The following FSTL5 variants were observed in gnomAD, a reference collection of about 807,000 sequenced individuals.
FSTL5 encodes the protein follistatin like 5.
A neutral mutation model predicts 89.1 loss-of-function variants in FSTL5; 62 were observed. The ratio of observed to expected loss-of-function variants is 0.70; its 90% CI spans 0.57 to 0.86. The LOEUF (loss-of-function observed/expected upper bound fraction) is 0.86, where lower values mean the gene tolerates loss of function less well. Ranked by LOEUF, FSTL5 falls within the 40% of genes least tolerant of loss-of-function variation. The pLI, the probability that FSTL5 is intolerant of heterozygous loss-of-function variation, is 0.00. For missense variants in FSTL5, 1,057 were observed against 1,001.6 expected, an observed-to-expected ratio of 1.06 and a Z score of -0.75; for synonymous variants, 383 against 346.2, an observed-to-expected ratio of 1.11 and a Z score of -1.18.
chr4:161,887,396 T>C (rs1201418669), intron 4 of FSTL5, among the ~76,000 whole-genome samples: 1 of 37,218 alleles, frequency 2.7e-5, no homozygotes, highest in Non-Finnish European at 9.2e-5. Flanking sequence ...ATCTATCATC[T>C]ATCTATCTAT....
chr4:161,394,425 G>C (rs2110885395), intron 15 of FSTL5, among the ~76,000 whole-genome samples: 1 of 152,178 alleles, frequency 6.6e-6, no homozygotes, highest in East Asian at 1.9e-4. Context: ...ACAGAGGCGT[G>C]CCACCGTGCC....
chr4:161,606,633 A>C (rs1276018288), intron 7 of FSTL5, among the ~76,000 whole-genome samples: 1 of 152,134 alleles, frequency 6.6e-6, no homozygotes, highest in Non-Finnish European at 1.5e-5. Flanking sequence ...TTAAAAGTTA[A>C]TTTTGTATTA....
At chr4:161,409,659 C>T (rs1046488356) in intron 15 of FSTL5, among the ~76,000 whole-genome samples, 2 of 152,118 alleles carry the variant, frequency 1.3e-5, no homozygotes, top group Admixed American at 6.5e-5. Flanking sequence ...CGATTACAGG[C>T]GTGAGCCACC....
rs536031080 is a variant in FSTL5 at position 161,892,707 on chromosome 4, C to A, written c.409+27697G>T. On this transcript the variant is annotated intron_variant, in intron 4 of 15. Transcript: ENST00000306100. ...ATTAACTTTTCCAAATGTAAAATAT[C>A]ATTAATTTTATATACAGGAAATTAA... is the stretch of plus-strand genomic sequence containing the variant. Among the ~76,000 whole-genome samples the A allele has an allele frequency of 2.9e-4, 44 of 152,018 alleles. No homozygotes were observed. The South Asian group carries it at 8.7e-3, about 30-fold the overall frequency.
intron 6 of FSTL5, among the ~76,000 whole-genome samples, chr4:161,747,543 T>C (rs1169692752): frequency 1.3e-5 from 2 of 152,218 alleles, no homozygotes; most frequent in African/African-American, 2.4e-5. Context: ...CAAATGTGCA[T>C]ATCCTCTCAA....
intron 2 of FSTL5, among the ~76,000 whole-genome samples, chr4:162,079,013 T>A (rs1178567657): frequency 6.6e-6 from 1 of 151,750 alleles, no homozygotes; most frequent in Non-Finnish European, 1.5e-5. Flanking sequence ...GTCTAACACA[T>A]AATGGTTAGT....
chr4:161,523,803 C>A (rs1731114318), intron 10 of FSTL5, among the ~76,000 whole-genome samples: 1 of 152,096 alleles, frequency 6.6e-6, no homozygotes, highest in Non-Finnish European at 1.5e-5. Flanking sequence ...ATAAAATACT[C>A]AAATGCCTAC....
intron 6 of FSTL5, among the ~76,000 whole-genome samples, chr4:161,693,877 A>G (rs375941485): frequency 2.0e-4 from 31 of 151,994 alleles, no homozygotes; most frequent in African/African-American, 7.5e-4. Context: ...TGACCTCTTG[A>G]TCTGCCCACC....
At chr4:161,596,217 T>G (rs1047873224) in intron 7 of FSTL5, among the ~76,000 whole-genome samples, 27 of 151,806 alleles carry the variant, frequency 1.8e-4, no homozygotes, top group African/African-American at 6.5e-4. Context: ...AATAACACTG[T>G]GAAAATAATA....
chr4:161,407,808 G>A (rs1731438256), intron 15 of FSTL5, among the ~76,000 whole-genome samples: 1 of 152,280 alleles, frequency 6.6e-6, no homozygotes, highest in South Asian at 2.1e-4. Context: ...TGTATATAGT[G>A]CAGCCTCCAC....
At chr4:161,636,300 C>A (rs1735696697) in intron 7 of FSTL5, among the ~76,000 whole-genome samples, 1 of 151,984 alleles carries the variant, frequency 6.6e-6, no homozygotes, top group South Asian at 2.1e-4. Context: ...TTGAGTCAAA[C>A]TGTACCCAAA....
intron 8 of FSTL5, among the ~76,000 whole-genome samples, chr4:161,555,875 T>C (rs1560951628): frequency 2.0e-5 from 3 of 151,564 alleles, no homozygotes; most frequent in Non-Finnish European, 4.4e-5. Context: ...AGAAAATGTG[T>C]TTAATTTCAC....
chr4:161,710,021 T>C (rs1388155169), intron 6 of FSTL5, among the ~76,000 whole-genome samples: 2 of 151,990 alleles, frequency 1.3e-5, no homozygotes, highest in African/African-American at 2.4e-5. Context: ...CAGGGTGGAG[T>C]GTAGCGGCGT....
intron 7 of FSTL5, among the ~76,000 whole-genome samples, chr4:161,595,107 GC>G (rs2126616201): frequency 6.6e-6 from 1 of 151,876 alleles, no homozygotes; most frequent in South Asian, 2.1e-4. Context: ...ATTAATCTTA[GC>G]CAAGCCTCAA....
chr4:161,820,641 C>T (rs1465329242), intron 4 of FSTL5, among the ~76,000 whole-genome samples: 1 of 152,076 alleles, frequency 6.6e-6, no homozygotes, highest in Admixed American at 6.6e-5. Flanking sequence ...ACCATGAGAG[C>T]CTTCCAGAGG....
At chr4:161,667,077 A>G (rs1736926972) in intron 6 of FSTL5, among the ~76,000 whole-genome samples, 1 of 152,090 alleles carries the variant, frequency 6.6e-6, no homozygotes, top group African/African-American at 2.4e-5. Context: ...TATTAATTCA[A>G]GCAGTTTTAC....
chr4:162,139,673 T>C (rs1351647854), intron 1 of FSTL5, among the ~76,000 whole-genome samples: 1 of 152,140 alleles, frequency 6.6e-6, no homozygotes, highest in Non-Finnish European at 1.5e-5. Flanking sequence ...TAAAATCTAG[T>C]CTTCATCTAT....
chr4:161,458,869 GC>G (rs1733458713), intron 14 of FSTL5, among the ~76,000 whole-genome samples: 1 of 152,198 alleles, frequency 6.6e-6, no homozygotes, highest in African/African-American at 2.4e-5. Context: ...AGGCCTTGAA[GC>G]TTTTGCTGTC....
intron 4 of FSTL5, among the ~76,000 whole-genome samples, chr4:161,867,462 G>T (rs1275820640): frequency 1.3e-5 from 2 of 151,828 alleles, no homozygotes; most frequent in Non-Finnish European, 2.9e-5. Context: ...TTTTAAATGT[G>T]TATGAATATT....
Sources: allele counts gnomAD v4.1 joint callset (sites outside exome capture counted in the v4.1 genomes callset), GRCh38; gene constraint gnomAD v4.1.1; transcripts MANE v1.5; gene names NCBI Gene and HGNC (gene_info 2026-07-23, HGNC 2026-07-21).